Variants in UTS2 observed in about 807,000 individuals in gnomAD.
UTS2 encodes urotensin-2.
Under a neutral mutation model 12.6 loss-of-function variants are expected in UTS2, and 10 were observed. That is an observed-to-expected ratio of 0.80 (90% confidence interval 0.49 to 1.35). UTS2 has a LOEUF of 1.35. Among genes scored for constraint, UTS2 ranks in the 40% most tolerant of loss-of-function variants. UTS2 has a pLI of 0.00. For missense variants in UTS2, 142 were observed against 143.2 expected (o/e 0.99, Z 0.04); for synonymous variants, 52 against 50.0 (o/e 1.04, Z -0.17).
the UTS2 span, among the ~76,000 whole-genome samples, chr1:7,895,825 T>C: frequency 5.1e-4 from 78 of 152,358 alleles, no homozygotes; most frequent in African/African-American, 1.8e-3. Flanking sequence ...TGATTTTCAC[T>C]TCCAAATTAC....
chr1:7,899,318 A>G, the UTS2 span, among the ~76,000 whole-genome samples: 17 of 152,344 alleles, frequency 1.1e-4, no homozygotes, highest in East Asian at 3.3e-3. Context: ...CAGAGGCCTG[A>G]GGGACCCTAC....
chr1:7,879,731 ACT>A, the UTS2 span, among the ~76,000 whole-genome samples: 1 of 144,820 alleles, frequency 6.9e-6, no homozygotes, highest in African/African-American at 2.7e-5. Context: ...ATAGAGCAAG[ACT>A]CTGTCTAACA....
At chr1:7,894,748 G>T in the UTS2 span, among the ~76,000 whole-genome samples, 3 of 151,978 alleles carry the variant, frequency 2.0e-5, no homozygotes, top group African/African-American at 7.2e-5. Context: ...TTGGGAGGCT[G>T]AGGCGGGCAG....
At chr1:7,852,580 G>A (rs2097415252) in intron 1 of UTS2, among the ~76,000 whole-genome samples, 1 of 152,020 alleles carries the variant, frequency 6.6e-6, no homozygotes, top group Non-Finnish European at 1.5e-5. Flanking sequence ...AAAACTAAAA[G>A]TAATGATGTT....
the UTS2 span, among the ~76,000 whole-genome samples, chr1:7,873,655 C>T: frequency 6.6e-6 from 1 of 152,086 alleles, no homozygotes; most frequent in Non-Finnish European, 1.5e-5. Flanking sequence ...GAGTTGCTTC[C>T]TATGGATGAG....
chr1:7,897,613 T>C, the UTS2 span, among the ~76,000 whole-genome samples: 1 of 152,134 alleles, frequency 6.6e-6, no homozygotes, highest in Non-Finnish European at 1.5e-5. Flanking sequence ...GACAGAGTTA[T>C]GCTCAGCCTG....
At chr1:7,859,405 C>T in the UTS2 span, among the ~76,000 whole-genome samples, 2 of 152,226 alleles carry the variant, frequency 1.3e-5, no homozygotes, top group East Asian at 1.9e-4. Flanking sequence ...TCACAGGCCC[C>T]GTGCTGGTCC....
chr1:7,899,990 G>A, the UTS2 span, among the ~76,000 whole-genome samples: 6 of 152,340 alleles, frequency 3.9e-5, no homozygotes, highest in South Asian at 2.1e-4. Context: ...CAGAGAGAGC[G>A]AGAGTGTACC....
the UTS2 span, among the ~76,000 whole-genome samples, chr1:7,896,241 G>T: frequency 1.3e-5 from 2 of 151,604 alleles, no homozygotes; most frequent in East Asian, 3.9e-4. Context: ...GATAAGTGGG[G>T]AAGGGATGTT....
chr1:7,892,909 G>A, the UTS2 span, among the ~76,000 whole-genome samples: 68 of 152,094 alleles, frequency 4.5e-4, no homozygotes, highest in African/African-American at 1.6e-3. Context: ...TTTTTGCCAT[G>A]AAAGGTAAAA....
chr1:7,903,810 G>A, the UTS2 span, among the ~76,000 whole-genome samples: 1 of 152,166 alleles, frequency 6.6e-6, no homozygotes, highest in African/African-American at 2.4e-5. Context: ...GCAAGAGAAG[G>A]GAGGGAGGGA....
At chr1:7,860,494 G>A in the UTS2 span, among the ~76,000 whole-genome samples, 1 of 152,268 alleles carries the variant, frequency 6.6e-6, no homozygotes, top group African/African-American at 2.4e-5. Context: ...GCCACCGTAA[G>A]GACTTTCTGT....
chr1:7,896,176 T>C, the UTS2 span, among the ~76,000 whole-genome samples: 1 of 152,118 alleles, frequency 6.6e-6, no homozygotes, highest in Non-Finnish European at 1.5e-5. Context: ...GCTCAAAAAC[T>C]GTGTTTTCAT....
chr1:7,855,199 C>T (rs913914778), upstream of UTS2, among the ~76,000 whole-genome samples: 4 of 149,202 alleles, frequency 2.7e-5, no homozygotes, highest in Non-Finnish European at 6.0e-5. Flanking sequence ...ACCATAGATA[C>T]CATTTTTGTA....
the UTS2 span, among the ~76,000 whole-genome samples, chr1:7,900,644 G>T: frequency 6.6e-6 from 1 of 151,874 alleles, no homozygotes; most frequent in Non-Finnish European, 1.5e-5. Context: ...CAGGCACAGT[G>T]GTGGCTGGCG....
upstream of UTS2, among the ~76,000 whole-genome samples, chr1:7,855,162 AAAAC>A (rs201976091): frequency 0.017 from 2,606 of 152,326 alleles, 56 homozygotes; most frequent in Middle Eastern, 0.065. Flanking sequence ...ACTCCTTCTC[AAAAC>A]AAACAAACAA....
the UTS2 span, among the ~76,000 whole-genome samples, chr1:7,906,457 A>AAGAAAGAAAGAAAGAAAG: frequency 7.3e-6 from 1 of 136,770 alleles, no homozygotes; most frequent in Non-Finnish European, 1.5e-5. Context: ...AAGAGAAAGA[A>AAGAAAGAAAGAAAGAAAG]AGAAAGAAAG....
chr1:7,858,884 G>C, the UTS2 span, among the ~76,000 whole-genome samples: 1 of 152,088 alleles, frequency 6.6e-6, no homozygotes, highest in Non-Finnish European at 1.5e-5. Context: ...CGCCCAGCTG[G>C]TCATAACTTC....
chr1:7,906,477 A>AAGAAAG, the UTS2 span, among the ~76,000 whole-genome samples: 5 of 149,002 alleles, frequency 3.4e-5, no homozygotes, highest in African/African-American at 1.3e-4. Flanking sequence ...GAAAGAAAGA[A>AAGAAAG]AGAAAGAAAG....
Sources: gnomAD v4.1 joint callset for allele counts (sites outside exome capture counted in the v4.1 genomes callset) on GRCh38, gnomAD v4.1.1 for gene constraint, MANE v1.5 for transcripts, NCBI Gene and HGNC (gene_info 2026-07-23, HGNC 2026-07-21) for gene names.